The following PDE7A variants were observed in gnomAD, a reference collection of about 807,000 sequenced individuals.
PDE7A encodes the protein phosphodiesterase 7A, also known as high affinity 3',5'-cyclic-AMP phosphodiesterase 7A.
A neutral mutation model predicts 64.3 loss-of-function variants in PDE7A; 39 were observed. The ratio of observed to expected loss-of-function variants is 0.61; its 90% CI spans 0.47 to 0.79. The LOEUF is 0.79. Ranked by LOEUF, PDE7A falls within the 30% of genes least tolerant of loss-of-function variation. PDE7A has a pLI of 0.00. For missense variants in PDE7A, 470 were observed against 582.8 expected (o/e 0.81, Z 1.99); for synonymous variants, 203 against 206.8 (o/e 0.98, Z 0.16).
chr8:65,813,512 A>G (rs1810304873), intron 1 of PDE7A, among the ~76,000 whole-genome samples: 1 of 152,238 alleles, frequency 6.6e-6, no homozygotes, highest in South Asian at 2.1e-4. Context: ...GTAATTGTAA[A>G]TATTGAAAAT....
At chr8:65,827,106 G>A (rs1311993808) in intron 1 of PDE7A, among the ~76,000 whole-genome samples, 1 of 152,162 alleles carries the variant, frequency 6.6e-6, no homozygotes, top group African/African-American at 2.4e-5. Flanking sequence ...TGGTGAACAA[G>A]AATTGTTGGT....
chr8:65,720,356 A>G (rs1464072283), intron 12 of PDE7A: 1 of 154,170 alleles, frequency 6.5e-6, no homozygotes, highest in Non-Finnish European at 1.5e-5. Context: ...AATGGGGAAA[A>G]TATACATTCT....
At chr8:65,816,780 T>C (rs530798620) in intron 1 of PDE7A, among the ~76,000 whole-genome samples, 13 of 152,356 alleles carry the variant, frequency 8.5e-5, no homozygotes, top group Non-Finnish European at 1.5e-4. Flanking sequence ...AGATACTCTC[T>C]TTATCTTTCA....
At chr8:65,778,521 C>A (rs1008206477) in intron 3 of PDE7A, among the ~76,000 whole-genome samples, 1 of 152,122 alleles carries the variant, frequency 6.6e-6, no homozygotes, top group Non-Finnish European at 1.5e-5. Flanking sequence ...ACAAGCAAGC[C>A]AAACTTGATA....
At chr8:65,791,951 A>G (rs997432478) in intron 1 of PDE7A, among the ~76,000 whole-genome samples, 3 of 151,404 alleles carry the variant, frequency 2.0e-5, no homozygotes, top group Middle Eastern at 3.4e-3. Flanking sequence ...TTTAATAATA[A>G]TAAAATTTCA....
chr8:65,801,191 A>T (rs770991969), intron 1 of PDE7A, among the ~76,000 whole-genome samples: 33 of 152,146 alleles, frequency 2.2e-4, no homozygotes, highest in Non-Finnish European at 3.8e-4. Flanking sequence ...CTGTGTTCCT[A>T]TTATTACTGT....
Position 65,756,261 on chromosome 8 carries a change from T to C in PDE7A, c.284-8458A>G, listed in dbSNP as rs190869612. ...GTGTGGATTTCTGAGTTTGTCCTGATTGGAATTTACCGAGCTTCTTGGATG... is the reference window on the plus strand; with the variant it reads ...GTGTGGATTTCTGAGTTTGTCCTGACTGGAATTTACCGAGCTTCTTGGATG... On this transcript the variant is annotated intron_variant, in intron 3 of 12. Coordinates refer to ENST00000401827, the MANE Select transcript of PDE7A (RefSeq NM_001242318.3). Among the ~76,000 whole-genome samples, 29 of 152,316 alleles carry C rather than the reference T, an allele frequency of 1.9e-4. No homozygotes were observed. The East Asian group carries it at 5.4e-3, about 28-fold the overall frequency.
intron 1 of PDE7A, among the ~76,000 whole-genome samples, chr8:65,823,871 G>T (rs1403253557): frequency 2.0e-5 from 3 of 152,012 alleles, no homozygotes; most frequent in Non-Finnish European, 4.4e-5. Flanking sequence ...TTAAGATCTG[G>T]CAGTACAAGT....
At chr8:65,814,584 G>A (rs77264620) in intron 1 of PDE7A, among the ~76,000 whole-genome samples, 45 of 148,452 alleles carry the variant, frequency 3.0e-4, no homozygotes, top group African/African-American at 1.1e-3. Context: ...TAATACATAC[G>A]AAGATGTCTA....
intron 1 of PDE7A, among the ~76,000 whole-genome samples, chr8:65,837,588 C>G (rs1228753831): frequency 6.6e-6 from 1 of 152,070 alleles, no homozygotes; most frequent in Admixed American, 6.5e-5. Flanking sequence ...GTACACTGAC[C>G]CACCAGAAAG....
At chr8:65,763,899 A>T (rs7015148) in intron 3 of PDE7A, among the ~76,000 whole-genome samples, 4,006 of 152,326 alleles carry the variant, frequency 0.026, 194 homozygotes, top group African/African-American at 0.09. Context: ...GTATCGGTCA[A>T]TTTCCTAATT....
intron 5 of PDE7A, among the ~76,000 whole-genome samples, chr8:65,743,569 T>C (rs992283104): frequency 6.6e-6 from 1 of 152,192 alleles, no homozygotes; most frequent in Non-Finnish European, 1.5e-5. Context: ...ACAGAAGGTA[T>C]AGACAAAGGT....
rs186437580 is a variant in PDE7A, at chr8:65,735,921, G to A, written c.596-1027C>T. Among the ~76,000 whole-genome samples, 245 of 152,154 alleles carry A rather than the reference G, an allele frequency of 1.6e-3. 1 individual carries two copies. Among genetic ancestry groups the A allele is most frequent in the Non-Finnish European group, 2.9e-3 (199 of 67,994 alleles). ...ATTACAGGTATGAGCCACCATGCCC[G>A]GCCGTATGTGTTTTATAATTTATAT... On this transcript the variant is annotated intron_variant, in intron 6 of 12. Coordinates refer to ENST00000401827, the MANE Select transcript of PDE7A (RefSeq NM_001242318.3).
At chr8:65,742,614 T>A (rs1357921122) in intron 5 of PDE7A, among the ~76,000 whole-genome samples, 1 of 152,232 alleles carries the variant, frequency 6.6e-6, no homozygotes, top group African/African-American at 2.4e-5. Flanking sequence ...ACCATGAATG[T>A]ATGTTATCCA....
At chr8:65,787,512 G>C (rs982505341) in intron 1 of PDE7A, among the ~76,000 whole-genome samples, 8 of 152,136 alleles carry the variant, frequency 5.3e-5, no homozygotes, top group Non-Finnish European at 8.8e-5. Flanking sequence ...GTACTTGAGT[G>C]CCTAAAGTAT....
chr8:65,821,862 T>C (rs1171655988), intron 1 of PDE7A, among the ~76,000 whole-genome samples: 1 of 152,218 alleles, frequency 6.6e-6, no homozygotes. Flanking sequence ...TTTCGTCTGT[T>C]TCATTTTACT....
rs1407506800 is a variant in PDE7A at position 65,719,139 on chromosome 8, C to G, written c.*151G>C. On this transcript the variant is annotated 3_prime_UTR_variant, in exon 13 of 13. Coordinates refer to ENST00000401827, the MANE Select transcript of PDE7A (RefSeq NM_001242318.3). ...CAATTAACAAGTGGGTTCAAATGAT[C>G]CAACAGAGGAAATCTTGGAAATAAA... 1.6e-6 allele frequency: 1 copy of G among 622,336 alleles called. No homozygotes were observed. The highest frequency in any genetic ancestry group is 2.7e-5 in the East Asian group (1 of 36,562). The allele number at this position is 622,336 out of a possible 1,614,324, so 38.6% of individuals were successfully genotyped here.
intron 3 of PDE7A, among the ~76,000 whole-genome samples, chr8:65,750,637 T>C (rs1398299533): frequency 6.6e-6 from 1 of 152,154 alleles, no homozygotes; most frequent in Admixed American, 6.5e-5. Context: ...CACTGTGCTC[T>C]GTCACCATGG....
intron 7 of PDE7A, among the ~76,000 whole-genome samples, chr8:65,731,986 ATTGTTGTTGTTG>A (rs59755336): frequency 3.2e-4 from 45 of 138,766 alleles, no homozygotes; most frequent in East Asian, 4.1e-4. Flanking sequence ...TATTATTATT[ATTGTTGTTGTTG>A]TTGTTGTTGT....
Sources: gnomAD v4.1 joint callset for allele counts (sites outside exome capture counted in the v4.1 genomes callset) on GRCh38, gnomAD v4.1.1 for gene constraint, MANE v1.5 for transcripts, NCBI Gene and HGNC (gene_info 2026-07-23, HGNC 2026-07-21) for gene names.